MLLT10: variants seen among roughly 807,000 people sequenced by gnomAD.
MLLT10 encodes protein AF-10.
A neutral mutation model predicts 129.1 loss-of-function variants in MLLT10; 30 were observed. That is an observed-to-expected ratio of 0.23 (90% CI 0.17 to 0.32). The LOEUF is 0.32. Among genes scored for constraint, MLLT10 ranks in the 10% least tolerant of loss-of-function variants. The probability of loss-of-function intolerance (pLI) is 1.00; values close to 1 mark genes in which losing one functional copy is unlikely to be tolerated. For missense variants in MLLT10, 1,119 were observed against 1,268.3 expected, an observed-to-expected ratio of 0.88 and a Z score of 1.79; for synonymous variants, 490 against 446.4, an observed-to-expected ratio of 1.10 and a Z score of -1.23.
chr10:21,726,380 C>G (rs756257412), intron 15 of MLLT10, 25 bp downstream of exon 15: 12 of 1,505,416 alleles, frequency 8.0e-6, no homozygotes, highest in Admixed American at 1.7e-5. Context: ...ATTACTAACT[C>G]TAAAACCCTA....
rs562694738 is a variant in MLLT10 at position 21,668,103 on chromosome 10, G to T, written c.796-2346G>T. Among the ~76,000 whole-genome samples the T allele has an allele frequency of 1.2e-4, 18 of 152,162 alleles. No individual in the cohort carries two copies. In the Middle Eastern group the frequency reaches 0.014, roughly 115 times the overall value. On this transcript the variant is annotated intron_variant, in intron 9 of 22. Transcript: ENST00000307729. ...AAAAGAACTTACATTTTTCAGTAGA[G>T]CACCAAATGAAGTAGTTGGCATTTT...
chr10:21,624,677 T>C, intron 8 of MLLT10: 1 of 1,427,576 alleles, frequency 7.0e-7, no homozygotes, highest in East Asian at 2.3e-5. Flanking sequence ...ACCACCTTGC[T>C]GAAGCGGCTG....
intron 3 of MLLT10, among the ~76,000 whole-genome samples, chr10:21,568,423 A>G (rs565586716): frequency 2.2e-4 from 34 of 151,772 alleles, no homozygotes; most frequent in Non-Finnish European, 3.7e-4. Flanking sequence ...AGTGTGCCCT[A>G]TTTTTCTGTT....
chr10:21,738,477 G>A, intron 21 of MLLT10: 1 of 1,288,944 alleles, frequency 7.8e-7, no homozygotes, highest in Non-Finnish European at 1.0e-6. Context: ...GAGACCATGA[G>A]GACTAAAGGA....
intron 3 of MLLT10, chr10:21,557,798 A>G (rs1269685889): frequency 1.3e-5 from 2 of 152,078 alleles, no homozygotes; most frequent in Non-Finnish European, 1.5e-5. Flanking sequence ...GGCAACCCTC[A>G]CTAGAACTAC....
chr10:21,585,620 A>G (rs2131091401), intron 3 of MLLT10, among the ~76,000 whole-genome samples: 1 of 152,330 alleles, frequency 6.6e-6, no homozygotes, highest in Middle Eastern at 3.4e-3. Flanking sequence ...CAGGAAGTAA[A>G]CAGGTAACAG....
chr10:21,732,799 G>A, intron 17 of MLLT10, 100 bp from the exon 18 acceptor site: 8 of 939,804 alleles, frequency 8.5e-6, no homozygotes, highest in South Asian at 2.3e-5. Flanking sequence ...AATTTCTACT[G>A]TTCTATTTTA....
At chr10:21,710,236 A>G (rs991801921) in intron 13 of MLLT10, among the ~76,000 whole-genome samples, 6 of 152,146 alleles carry the variant, frequency 3.9e-5, no homozygotes, top group Non-Finnish European at 8.8e-5. Context: ...GGCCTTGACC[A>G]TTGTGTTCAT....
intron 9 of MLLT10, among the ~76,000 whole-genome samples, chr10:21,652,079 A>C (rs2049103707): frequency 6.6e-6 from 1 of 151,328 alleles, no homozygotes; most frequent in Non-Finnish European, 1.5e-5. Flanking sequence ...TGCCTGGCCA[A>C]TTTTTTGTAT....
At chr10:21,689,547 ATATATATATATATATATG>A (rs1458991991) in intron 13 of MLLT10, among the ~76,000 whole-genome samples, 15 of 79,524 alleles carry the variant, frequency 1.9e-4, no homozygotes, top group African/African-American at 7.7e-4. Flanking sequence ...GTGTAAAGTA[ATATATATATATATATATG>A]TATATATATA....
At chr10:21,534,994 A>T (rs1378471549) in intron 2 of MLLT10, among the ~76,000 whole-genome samples, 190 bp downstream of exon 2, 2 of 148,632 alleles carry the variant, frequency 1.3e-5, no homozygotes, top group South Asian at 2.1e-4. Context: ...CCGGACTGTC[A>T]TGTGATTCCG....
In MLLT10 at chr10:21,733,122, A is replaced by G. The variant is rs750964234; in HGVS notation, c.2407+35A>G. ...AAAATATTTATTTTGTATCTAAGGA[A>G]AATAGGCTTTCAGTTTTATTTGTAT... On this transcript the variant is annotated intron_variant, in intron 18 of 22. Transcript: ENST00000307729. The G allele has an allele frequency of 7.7e-6, 12 of 1,549,264 alleles. No individual in the cohort carries two copies. The East Asian group carries it at 2.5e-4, about 32-fold the overall frequency.
chr10:21,688,927 T>C (rs2053559859), intron 13 of MLLT10, among the ~76,000 whole-genome samples: 1 of 152,146 alleles, frequency 6.6e-6, no homozygotes, highest in Non-Finnish European at 1.5e-5. Context: ...CTGATTCTTT[T>C]AACATATATC....
chr10:21,587,643 A>G lies in MLLT10; in HGVS notation c.295+1295A>G, dbSNP rs59170759. Reference sequence around the variant, plus strand: ...GCAGCTAAAAAAAGGTTAAGCTGCTATTACTACTATACTCTTCTCCATTTT... The same window carrying G: ...GCAGCTAAAAAAAGGTTAAGCTGCTGTTACTACTATACTCTTCTCCATTTT... On this transcript the variant is annotated intron_variant, in intron 4 of 22. Coordinates refer to ENST00000307729, the MANE Select transcript of MLLT10 (RefSeq NM_001195626.3). 7.1e-4 allele frequency among the ~76,000 whole-genome samples: 108 copies of G among 152,272 alleles called. 1 individual carries two copies. The East Asian group carries it at 0.021, about 29-fold the overall frequency.
intron 13 of MLLT10, among the ~76,000 whole-genome samples, chr10:21,710,398 A>C (rs2055961921): frequency 6.6e-6 from 1 of 152,210 alleles, no homozygotes. Flanking sequence ...TATAGTATCC[A>C]GTGTTGGCAA....
Position 21,617,188 on chromosome 10 carries a change from A to G in MLLT10, c.680A>G (p.His227Arg), listed in dbSNP as rs1223980146. The G allele has an allele frequency of 6.6e-7, 1 of 1,520,386 alleles. No homozygotes were observed. The allele number at this position is 1,520,386 out of a possible 1,614,324, so 94.2% of individuals were successfully genotyped here. The change falls in exon 8 of 23, where the codon CAT becomes CGT. Residue 227 changes from histidine (H) to arginine (R), a missense_variant. By Grantham distance (29) the His-to-Arg change is conservative. Transcript: ENST00000307729. ...TCTTCCTCTCACTCTCAGGATAAAC[A>G]TCATGAGAAAGAGAAAAAAGTAAGT... ...SDSSSHSQDK[H>R]HEKEKKKYKE...
intron 21 of MLLT10, among the ~76,000 whole-genome samples, chr10:21,738,842 A>T (rs2058598110): frequency 6.6e-6 from 1 of 152,080 alleles, no homozygotes; most frequent in African/African-American, 2.4e-5. Context: ...TCAGCCTGAG[A>T]GTGCCCAAGG....
At chr10:21,647,211 C>T (rs2048587053) in intron 8 of MLLT10, among the ~76,000 whole-genome samples, 1 of 152,088 alleles carries the variant, frequency 6.6e-6, no homozygotes, top group African/African-American at 2.4e-5. Flanking sequence ...TTTTTTCAAG[C>T]ACACCTCTGT....
At chr10:21,664,504 T>C (rs1413693681) in intron 9 of MLLT10, among the ~76,000 whole-genome samples, 3 of 151,772 alleles carry the variant, frequency 2.0e-5, no homozygotes, top group African/African-American at 7.3e-5. Flanking sequence ...ACCATGTTGG[T>C]CAGGATGGTC....
Sources: gnomAD v4.1 joint callset for allele counts (sites outside exome capture counted in the v4.1 genomes callset) on GRCh38, gnomAD v4.1.1 for gene constraint, MANE v1.5 for transcripts, NCBI Gene and HGNC (gene_info 2026-07-23, HGNC 2026-07-21) for gene names.